Variants in DGKK observed in about 807,000 individuals in gnomAD.
DGKK encodes diacylglycerol kinase kappa.
A neutral mutation model predicts 92.2 loss-of-function variants in DGKK; 35 were observed. The ratio of observed to expected loss-of-function variants is 0.38; its 90% confidence interval spans 0.29 to 0.50. DGKK has a LOEUF of 0.50. Among genes scored for constraint, DGKK ranks in the 20% least tolerant of loss-of-function variants. The pLI is 0.92. For missense variants in DGKK, 910 were observed against 992.2 expected (o/e 0.92, Z 1.11); for synonymous variants, 368 against 360.6 (o/e 1.02, Z -0.23).
At position 50,422,452 on chromosome X, in the gene DGKK, A is replaced by T. The variant is rs1925618215; in HGVS notation, c.831T>A (p.Ser277Arg). 4 of 1,198,498 alleles carry T rather than the reference A, an allele frequency of 3.3e-6. No homozygotes were observed. Among genetic ancestry groups the T allele is most frequent in the African/African-American group, 1.8e-5 (1 of 56,795 alleles). ...CATTCCCAATCTTACTTACACAAAA[A>T]CTGTGGCAAAGGTTTCTACAGCTGC... ...AESSCRNLCH[S>R]FCVITPQRKI... Residue 277 changes from serine to arginine, a missense_variant, in exon 3 of 28, where the codon AGT (serine) becomes AGA (arginine). Physicochemically the swap from Ser to Arg is moderately radical, Grantham distance 110. Transcript: ENST00000611977.
chrX:50,390,539 A>G (rs1557225423), intron 11 of DGKK, 130 bp from the exon 12 acceptor site: 3 of 535,968 alleles, frequency 5.6e-6, no homozygotes, highest in Non-Finnish European at 9.5e-6. Context: ...GGGGTGTCCA[A>G]GCAATCTCTG....
In DGKK at chrX:50,378,647, C is replaced by T; in HGVS notation, c.2907G>A (p.Val969=). Reference sequence around the variant, plus strand: ...CCATCTGCACAGAACCAAAGATTGCCACCACCTCCAGTTTCCCATCATCGA... The same window carrying T: ...CCATCTGCACAGAACCAAAGATTGCTACCACCTCCAGTTTCCCATCATCGA... ...PAIDDGKLEV[V]AIFGSVQMAM... The change falls in exon 21 of 28, where the codon GTG becomes GTA. Residue 969 remains valine, a synonymous_variant. Coordinates refer to ENST00000611977, the MANE Select transcript of DGKK (RefSeq NM_001013742.4). 1.7e-6 allele frequency: 2 copies of T among 1,209,493 alleles called. No homozygotes were observed. The highest frequency in any genetic ancestry group is 2.2e-6 in the Non-Finnish European group (2 of 894,471).
At chrX:50,381,373 C>T (rs781914786) in intron 18 of DGKK, among the ~76,000 whole-genome samples, 10 of 111,164 alleles carry the variant, frequency 9.0e-5, no homozygotes, top group Non-Finnish European at 1.5e-4. Context: ...GAGGCTGAGG[C>T]AGGAGAATTA....
In DGKK at chrX:50,384,267, A is replaced by G; in HGVS notation, c.2453-3T>C. ...AGACAAAGTGCCACGACGAGAACCT[A>G]GACACAAAAGACATCACTTGGGTGA... On this transcript the variant is annotated splice_region_variant and splice_polypyrimidine_tract_variant and intron_variant, in intron 16 of 27. Transcript: ENST00000611977. 4 of 1,118,259 alleles carry G rather than the reference A, an allele frequency of 3.6e-6. No homozygotes were observed. Among genetic ancestry groups the G allele is most frequent in the Non-Finnish European group, 4.8e-6 (4 of 829,893 alleles). 92.2% of individuals were successfully genotyped at this position (1,118,259 alleles called of 1,213,427 possible).
intron 4 of DGKK, among the ~76,000 whole-genome samples, chrX:50,419,573 T>C (rs1925519944): frequency 8.9e-6 from 1 of 112,273 alleles, no homozygotes; most frequent in Non-Finnish European, 1.9e-5. Context: ...GAACCATGTA[T>C]CATTCTCTGT....
chrX:50,468,042 G>T (rs1287244553), intron 1 of DGKK, among the ~76,000 whole-genome samples: 3 of 112,332 alleles, frequency 2.7e-5, no homozygotes, highest in Non-Finnish European at 5.6e-5. Flanking sequence ...TCTCCTGCCA[G>T]TGTTGCCAGA....
intron 1 of DGKK, among the ~76,000 whole-genome samples, chrX:50,445,809 T>A (rs1363190048): frequency 9.0e-6 from 1 of 111,517 alleles, no homozygotes; most frequent in Non-Finnish European, 1.9e-5. Context: ...TTTTTCTAGT[T>A]CTATGAATAA....
At chrX:50,466,017 CTTTTTTT>C (rs72090197) in intron 1 of DGKK, among the ~76,000 whole-genome samples, 12 of 42,795 alleles carry the variant, frequency 2.8e-4, no homozygotes, top group African/African-American at 1.2e-3. Flanking sequence ...TTTCTTTTTT[CTTTTTTT>C]TTTTTTTTTT....
At position 50,422,523 on chromosome X, in the gene DGKK, C is replaced by CA. The variant is rs1569544765; in HGVS notation, c.759dup (p.Ala254CysfsTer4). On this transcript the variant is annotated frameshift_variant, in exon 3 of 28. Transcript: ENST00000611977. LOFTEE classifies it high-confidence loss of function. ...GACAGATCAATCGTTTCAAAGTGTG[C>CA]AAACTGGAAAGATATAAGACAGAGA... 8.3e-7 allele frequency: 1 copy of CA among 1,199,345 alleles called. No homozygotes were observed. Among genetic ancestry groups the CA allele is most frequent in the Admixed American group, 2.2e-5 (1 of 45,046 alleles).
chrX:50,396,018 T>C (rs1169893548), intron 8 of DGKK, among the ~76,000 whole-genome samples: 1 of 111,917 alleles, frequency 8.9e-6, no homozygotes, highest in Non-Finnish European at 1.9e-5. Context: ...CATGAGGCTG[T>C]TCACTGTGGC....
intron 8 of DGKK, among the ~76,000 whole-genome samples, chrX:50,399,831 G>C (rs1487514707): frequency 4.5e-5 from 5 of 111,751 alleles, no homozygotes; most frequent in Admixed American, 1.9e-4. Flanking sequence ...AGAAGTAAAT[G>C]AACAAGTCAA....
In DGKK at chrX:50,370,439, G is replaced by A; in HGVS notation, c.3723C>T (p.Val1241=). 8.4e-7 allele frequency: 1 copy of A among 1,191,428 alleles called. No individual in the cohort carries two copies. The change falls in exon 27 of 28, where the codon GTC becomes GTT. Residue 1241 remains valine, a synonymous_variant. Transcript: ENST00000611977. The part of the protein sequence containing the change: ...EERKPKSGQS[V]QSFIGNLWHR... ...GGGGAGACTTACCAATAAAACTCTG[G>A]ACACTCTGGCCTGATTTAGGCTTGC...
rs782769637 is a variant in DGKK at position 50,387,624 on chromosome X, A to G, written c.2048T>C (p.Val683Ala). Residue 683 changes from valine (V) to alanine (A), a missense_variant, in exon 14 of 28, where the codon GTG becomes GCG. Val to Ala is a moderately conservative substitution (Grantham distance 64, BLOSUM62 0). Transcript: ENST00000611977. ...RFLCSAVEDF[V>A]VDIVKAWGQI... ...ACCCCAGGCCTTTACAATATCAACC[A>G]CAAAATCTTCCACAGCTGAACACAA... The G allele has an allele frequency of 1.7e-6, 2 of 1,206,837 alleles. No homozygotes were observed. The highest frequency in any genetic ancestry group is 2.2e-5 in the Admixed American group (1 of 45,868).
intron 1 of DGKK, among the ~76,000 whole-genome samples, chrX:50,456,663 C>A (rs1444483865): frequency 9.0e-6 from 1 of 111,272 alleles, no homozygotes; most frequent in Non-Finnish European, 1.9e-5. Context: ...GGAGATAAAT[C>A]ATCATTCTCA....
chrX:50,452,421 G>A, intron 1 of DGKK, among the ~76,000 whole-genome samples: 1 of 112,021 alleles, frequency 8.9e-6, no homozygotes, highest in South Asian at 3.7e-4. Context: ...TAAAGAAATC[G>A]CCTTCTTCAC....
chrX:50,407,777 C>T (rs1318116728), intron 4 of DGKK, among the ~76,000 whole-genome samples: 3 of 111,829 alleles, frequency 2.7e-5, no homozygotes, highest in Admixed American at 1.9e-4. Context: ...AGAAAGTGTG[C>T]CCTGCAGAGA....
At chrX:50,387,003 G>C (rs982795618) in intron 14 of DGKK, among the ~76,000 whole-genome samples, 1 of 111,036 alleles carries the variant, frequency 9.0e-6, no homozygotes, top group East Asian at 2.9e-4. Flanking sequence ...ATGTGTACAG[G>C]CTTGGGGACC....
intron 1 of DGKK, among the ~76,000 whole-genome samples, chrX:50,431,052 G>T (rs1272288195): frequency 5.5e-5 from 6 of 109,798 alleles, no homozygotes; most frequent in African/African-American, 1.7e-4. Context: ...TTTTTTAAGA[G>T]ACAGGGTCTT....
At chrX:50,427,785 G>A (rs1557229871) in intron 1 of DGKK, among the ~76,000 whole-genome samples, 1 of 108,651 alleles carries the variant, frequency 9.2e-6, no homozygotes, top group Non-Finnish European at 1.9e-5. Flanking sequence ...AAACAGGCTG[G>A]GAATTCTGAA....
Sources: gnomAD v4.1 joint callset for allele counts (sites outside exome capture counted in the v4.1 genomes callset) on GRCh38, gnomAD v4.1.1 for gene constraint, MANE v1.5 for transcripts, NCBI Gene and HGNC (gene_info 2026-07-23, HGNC 2026-07-21) for gene names.